The following MBNL2 variants were observed in gnomAD, a reference collection of about 807,000 sequenced individuals.
MBNL2 encodes the protein muscleblind like splicing regulator 2.
A neutral mutation model predicts 41.9 loss-of-function variants in MBNL2; 17 were observed. The ratio of observed to expected loss-of-function variants is 0.41; its 90% CI spans 0.28 to 0.61. The LOEUF is 0.61. Ranked by LOEUF, MBNL2 falls within the 20% of genes least tolerant of loss-of-function variation. The probability of loss-of-function intolerance (pLI) is 0.35; values close to 1 mark genes in which losing one functional copy is unlikely to be tolerated. For missense variants in MBNL2, 336 were observed against 505.6 expected (o/e 0.66, Z 3.22); for synonymous variants, 195 against 182.9 (o/e 1.07, Z -0.53).
chr13:97,337,043 T>G (rs993756970), intron 3 of MBNL2, among the ~76,000 whole-genome samples: 8 of 152,292 alleles, frequency 5.3e-5, no homozygotes, highest in Admixed American at 5.2e-4. Flanking sequence ...TGAATGTTTG[T>G]GTCCCACCAA....
chr13:97,240,676 A>T (rs2044097324), intron 1 of MBNL2, among the ~76,000 whole-genome samples: 2 of 152,212 alleles, frequency 1.3e-5, no homozygotes, highest in Admixed American at 1.3e-4. Context: ...ACTTTTGGGA[A>T]TGTTTACATT....
intron 1 of MBNL2, among the ~76,000 whole-genome samples, chr13:97,222,977 A>G (rs2041042940): frequency 6.6e-6 from 1 of 152,202 alleles, no homozygotes; most frequent in Non-Finnish European, 1.5e-5. Flanking sequence ...GGCCAAACGT[A>G]TGTGTCTATT....
At chr13:97,184,210 A>G in the MBNL2 span, among the ~76,000 whole-genome samples, 1 of 152,326 alleles carries the variant, frequency 6.6e-6, no homozygotes, top group Non-Finnish European at 1.5e-5. Context: ...AGATATAGAG[A>G]GTATCAATTT....
intron 2 of MBNL2, among the ~76,000 whole-genome samples, chr13:97,300,902 T>C (rs1299483388): frequency 4.6e-5 from 7 of 152,196 alleles, no homozygotes; most frequent in African/African-American, 1.4e-4. Context: ...TCTATAACTA[T>C]GATAGATAGA....
At chr13:97,328,163 T>C (rs1254139485) in intron 2 of MBNL2, among the ~76,000 whole-genome samples, 1 of 149,866 alleles carries the variant, frequency 6.7e-6, no homozygotes, top group Non-Finnish European at 1.5e-5. Flanking sequence ...CTGAGACGGT[T>C]TCCTTAACCC....
At chr13:97,231,160 A>C (rs2042327761) in intron 1 of MBNL2, among the ~76,000 whole-genome samples, 1 of 152,204 alleles carries the variant, frequency 6.6e-6, no homozygotes, top group Non-Finnish European at 1.5e-5. Context: ...GACTTCTCTG[A>C]AGAAAATAGC....
chr13:97,372,400 A>G (rs1028484548), intron 8 of MBNL2, among the ~76,000 whole-genome samples: 1 of 152,190 alleles, frequency 6.6e-6, no homozygotes, highest in African/African-American at 2.4e-5. Context: ...AGTTGATAAT[A>G]TGTCATAAAG....
the MBNL2 span, among the ~76,000 whole-genome samples, chr13:97,175,777 A>G: frequency 6.6e-6 from 1 of 151,980 alleles, no homozygotes; most frequent in African/African-American, 2.4e-5. Flanking sequence ...AAAAAGAGGT[A>G]CTTATTTTGC....
intron 8 of MBNL2, among the ~76,000 whole-genome samples, chr13:97,370,675 A>AAAAAG (rs2064281809): frequency 1.3e-5 from 2 of 151,900 alleles, no homozygotes; most frequent in African/African-American, 4.8e-5. Flanking sequence ...GTCAAAAAAA[A>AAAAAG]AAAAGAAAGA....
the MBNL2 span, among the ~76,000 whole-genome samples, chr13:97,199,196 A>G: frequency 6.6e-6 from 1 of 152,184 alleles, no homozygotes; most frequent in Admixed American, 6.5e-5. Context: ...TCCTCCAGAG[A>G]TCTGAGAACT....
In MBNL2 at chr13:97,240,092, G is replaced by A. The variant is rs182973867; in HGVS notation, c.-605+17561G>A. On this transcript the variant is annotated intron_variant, in intron 1 of 8. Transcript: ENST00000679496. ...AGCTTGTTAGAAGGACAGATTCCAG[G>A]GCCCCACCCCAGACTTCTGAATCCT... Among the ~76,000 whole-genome samples the A allele has an allele frequency of 3.1e-3, 479 of 152,292 alleles. 3 individuals are homozygous for A. Among genetic ancestry groups the A allele is most frequent in the African/African-American group, 0.011 (459 of 41,564 alleles).
chr13:97,221,284 G>A (rs1450520670), upstream of MBNL2: 1 of 151,894 alleles, frequency 6.6e-6, no homozygotes, highest in Non-Finnish European at 1.5e-5. Context: ...ATTTAGGGGA[G>A]GAAAATGTAT....
Position 97,391,560 on chromosome 13 carries a change from A to G in MBNL2, c.*111A>G, listed in dbSNP as rs1304268544. 1 of 689,886 alleles carries G rather than the reference A, an allele frequency of 1.4e-6. No homozygotes were observed. Among genetic ancestry groups the G allele is most frequent in the Non-Finnish European group, 2.6e-6 (1 of 389,456 alleles). 42.7% of individuals were successfully genotyped at this position (689,886 alleles called of 1,614,324 possible). A position where few individuals can be genotyped will look rare whatever the true frequency, so the allele number is the denominator to read the frequency against. On this transcript the variant is annotated 3_prime_UTR_variant, in exon 9 of 9. Transcript: ENST00000679496. Reference sequence around the variant, plus strand: ...TAGTATATTCCAACCTAAGATAGTTAACTACCTGAGACCAGCTGTGATGTT... The same window carrying G: ...TAGTATATTCCAACCTAAGATAGTTGACTACCTGAGACCAGCTGTGATGTT...
chr13:97,260,475 A>G (rs2048398142), intron 1 of MBNL2, among the ~76,000 whole-genome samples: 1 of 152,174 alleles, frequency 6.6e-6, no homozygotes, highest in African/African-American at 2.4e-5. Context: ...CGGCAAGGGT[A>G]GAGGCATCAG....
the MBNL2 span, among the ~76,000 whole-genome samples, chr13:97,159,828 C>T: frequency 6.6e-6 from 1 of 151,738 alleles, no homozygotes; most frequent in Admixed American, 6.6e-5. Flanking sequence ...CTGCCCTTAA[C>T]ATTTTTTCCT....
the MBNL2 span, among the ~76,000 whole-genome samples, chr13:97,163,573 C>CAGAT: frequency 6.6e-6 from 1 of 152,204 alleles, no homozygotes; most frequent in African/African-American, 2.4e-5. Context: ...TCCACCTGAG[C>CAGAT]AGATGGTAGG....
chr13:97,250,821 T>G (rs1171385324), intron 1 of MBNL2, among the ~76,000 whole-genome samples: 1 of 152,188 alleles, frequency 6.6e-6, no homozygotes, highest in African/African-American at 2.4e-5. Context: ...GGAAATTTGA[T>G]TTAGCTCAGT....
the MBNL2 span, among the ~76,000 whole-genome samples, chr13:97,197,637 A>G: frequency 6.6e-6 from 1 of 152,172 alleles, no homozygotes; most frequent in South Asian, 2.1e-4. Context: ...TAAAAATCAC[A>G]TGAACATTTG....
At chr13:97,147,295 A>G in the MBNL2 span, among the ~76,000 whole-genome samples, 5 of 152,324 alleles carry the variant, frequency 3.3e-5, 1 homozygote, top group African/African-American at 1.2e-4. Flanking sequence ...GAGATTTTTA[A>G]GTTCAAAATG....
Sources: gnomAD v4.1 joint callset for allele counts (sites outside exome capture counted in the v4.1 genomes callset) on GRCh38, gnomAD v4.1.1 for gene constraint, MANE v1.5 for transcripts, NCBI Gene and HGNC (gene_info 2026-07-23, HGNC 2026-07-21) for gene names.